The following ASAP2 variants were observed in gnomAD, a reference collection of about 807,000 sequenced individuals.
ASAP2 encodes the protein ArfGAP with SH3 domain, ankyrin repeat and PH domain 2.
In ASAP2, 45 loss-of-function variants were observed where a neutral mutation model predicts 131.4. The ratio of observed to expected loss-of-function variants is 0.34; its 90% CI spans 0.27 to 0.44. The LOEUF (loss-of-function observed/expected upper bound fraction) is 0.44. Ranked by LOEUF, ASAP2 falls within the 20% of genes least tolerant of loss-of-function variation. The probability of loss-of-function intolerance (pLI) is 1.00; values close to 1 mark genes in which losing one functional copy is unlikely to be tolerated. For missense variants in ASAP2, 1,011 were observed against 1,297.0 expected (o/e 0.78, Z 3.39); for synonymous variants, 510 against 503.0 (o/e 1.01, Z -0.19).
At chr2:9,272,363 G>A (rs1429437782) in intron 1 of ASAP2, among the ~76,000 whole-genome samples, 1 of 152,024 alleles carries the variant, frequency 6.6e-6, no homozygotes, top group African/African-American at 2.4e-5. Flanking sequence ...CTTCTTTGGA[G>A]ATATGTCTAT....
chr2:9,334,295 C>T (rs570116885), intron 7 of ASAP2, among the ~76,000 whole-genome samples: 1 of 151,540 alleles, frequency 6.6e-6, no homozygotes, highest in African/African-American at 2.4e-5. Flanking sequence ...GTGATCCTCC[C>T]ACCTTGGCCT....
intron 11 of ASAP2, among the ~76,000 whole-genome samples, chr2:9,346,301 C>G (rs1208307762): frequency 1.3e-5 from 2 of 152,040 alleles, no homozygotes; most frequent in Non-Finnish European, 2.9e-5. Flanking sequence ...GTGGTGCATG[C>G]CTGTATCCCA....
intron 12 of ASAP2, among the ~76,000 whole-genome samples, chr2:9,355,285 G>T (rs1672621861): frequency 6.6e-6 from 1 of 152,084 alleles, no homozygotes; most frequent in African/African-American, 2.4e-5. Context: ...AGTCTGTATC[G>T]GTTCTGTAGT....
chr2:9,279,297 C>G lies in ASAP2; in HGVS notation c.127-20C>G, dbSNP rs551888902. The G allele has an allele frequency of 6.2e-6, 10 of 1,611,496 alleles. No individual in the cohort carries two copies. Among genetic ancestry groups the G allele is most frequent in the Non-Finnish European group, 8.5e-6 (10 of 1,177,738 alleles). The stretch of plus-strand genomic sequence containing the variant: ...TCTCAGCACAGACACGGTTTAATGA[C>G]TGTATTCTCTACATTTTAGGCTTTG... On this transcript the variant is annotated intron_variant, in intron 1 of 27. Coordinates refer to ENST00000281419, the MANE Select transcript of ASAP2 (RefSeq NM_003887.3).
intron 20 of ASAP2, among the ~76,000 whole-genome samples, chr2:9,382,282 C>G (rs1311976040): frequency 6.6e-6 from 1 of 152,200 alleles, no homozygotes; most frequent in African/African-American, 2.4e-5. Flanking sequence ...CCACACCTGA[C>G]CTGTCTCATT....
At chr2:9,365,840 C>T (rs533321362) in intron 15 of ASAP2, among the ~76,000 whole-genome samples, 52 of 152,296 alleles carry the variant, frequency 3.4e-4, no homozygotes, top group Non-Finnish European at 6.6e-4. Flanking sequence ...TCATGCCCAG[C>T]ACAGACGAGG....
Position 9,268,687 on chromosome 2 carries a change from C to T in ASAP2, c.127-10630C>T, listed in dbSNP as rs971723916. ...TCTTGGCAAAGCCACCCTGGGGGCA[C>T]GGACCTGGGTGTGTTTTGTTTTTTG... is the stretch of plus-strand genomic sequence containing the variant. On this transcript the variant is annotated intron_variant, in intron 1 of 27. Coordinates refer to ENST00000281419, the MANE Select transcript of ASAP2 (RefSeq NM_003887.3). This position sits in a 1 kb window ranked among gnomAD's most constrained non-coding sequence, Gnocchi z 4.1. Among the ~76,000 whole-genome samples, 20 of 152,302 alleles carry T rather than the reference C, an allele frequency of 1.3e-4. No homozygotes were observed. Among genetic ancestry groups the T allele is most frequent in the East Asian group, 7.7e-4 (4 of 5,186 alleles).
At chr2:9,365,213 G>A (rs1048660257) in intron 15 of ASAP2, among the ~76,000 whole-genome samples, 3 of 152,154 alleles carry the variant, frequency 2.0e-5, no homozygotes, top group African/African-American at 7.2e-5. Flanking sequence ...TGCTTTGGAG[G>A]CAGCAGTTTG....
At chr2:9,306,008 TAGTG>T (rs1668907439) in intron 3 of ASAP2, among the ~76,000 whole-genome samples, 1 of 141,488 alleles carries the variant, frequency 7.1e-6, no homozygotes, top group Non-Finnish European at 1.5e-5. Context: ...GAGGCTGTAG[TAGTG>T]GGGTGGTAGA....
chr2:9,318,207 C>T (rs191308941), intron 3 of ASAP2, among the ~76,000 whole-genome samples: 151 of 152,228 alleles, frequency 9.9e-4, no homozygotes, highest in African/African-American at 3.2e-3. Flanking sequence ...AGGCTTTCGA[C>T]GTAATTCTGT....
At chr2:9,354,061 T>C (rs2715865) in intron 12 of ASAP2, among the ~76,000 whole-genome samples, 13,649 of 152,252 alleles carry the variant, frequency 0.09, 1,692 homozygotes, top group African/African-American at 0.28. Flanking sequence ...GGAGCTCATC[T>C]AATCCATTGC....
At chr2:9,210,921 C>T (rs914489081) in intron 1 of ASAP2, among the ~76,000 whole-genome samples, 2 of 151,552 alleles carry the variant, frequency 1.3e-5, no homozygotes, top group Non-Finnish European at 2.9e-5. Context: ...TTTGGGAGGC[C>T]AAGGCGGGCA....
intron 9 of ASAP2, among the ~76,000 whole-genome samples, chr2:9,341,387 T>C (rs1671564928): frequency 6.6e-6 from 1 of 152,228 alleles, no homozygotes; most frequent in South Asian, 2.1e-4. Flanking sequence ...ATAGGCCAGC[T>C]TAATTCAGAT....
chr2:9,345,369 C>G (rs1016638363), intron 11 of ASAP2, among the ~76,000 whole-genome samples: 2 of 152,120 alleles, frequency 1.3e-5, no homozygotes, highest in African/African-American at 4.8e-5. Flanking sequence ...CAAGAAAAAA[C>G]GGAGCCCTCT....
At chr2:9,259,434 C>T (rs1240665078) in intron 1 of ASAP2, among the ~76,000 whole-genome samples, 1 of 152,194 alleles carries the variant, frequency 6.6e-6, no homozygotes, top group African/African-American at 2.4e-5. Flanking sequence ...TGCCAGGCTG[C>T]CCAGGCTGGG....
chr2:9,254,236 A>AAAAATATATATATATAT (rs1553297024), intron 1 of ASAP2, among the ~76,000 whole-genome samples: 1 of 47,110 alleles, frequency 2.1e-5, no homozygotes, highest in African/African-American at 1.4e-4. Context: ...AAAAAAAAAA[A>AAAAATATATATATATAT]ATATATATAT....
rs990154182 is a variant in ASAP2 at position 9,268,250 on chromosome 2, G to A, written c.127-11067G>A. 2.0e-5 allele frequency among the ~76,000 whole-genome samples: 3 copies of A among 152,106 alleles called. No homozygotes were observed. Among genetic ancestry groups the A allele is most frequent in the South Asian group, 2.1e-4 (1 of 4,826 alleles). The stretch of plus-strand genomic sequence containing the variant: ...TTATTCATTTTACCATCGACATTTC[G>A]GTTTATCCAGTTGGGGGCTGTTTTG... On this transcript the variant is annotated intron_variant, in intron 1 of 27. Coordinates refer to ENST00000281419, the MANE Select transcript of ASAP2 (RefSeq NM_003887.3). The surrounding 1 kb of genome is among the most constrained non-coding windows in gnomAD (Gnocchi z 4.1).
intron 3 of ASAP2, among the ~76,000 whole-genome samples, chr2:9,316,880 C>T (rs1669707159): frequency 6.6e-6 from 1 of 151,810 alleles, no homozygotes; most frequent in South Asian, 2.1e-4. Context: ...CCTTCCTGTT[C>T]CCTTTTATCT....
intron 1 of ASAP2, among the ~76,000 whole-genome samples, chr2:9,223,046 G>A (rs1225738034): frequency 3.3e-5 from 5 of 152,096 alleles, no homozygotes; most frequent in African/African-American, 1.2e-4. Context: ...CTTTAATTTG[G>A]GATTTTAGGC....
Sources: gnomAD v4.1 joint callset for allele counts (sites outside exome capture counted in the v4.1 genomes callset) on GRCh38, gnomAD v4.1.1 for gene constraint, Gnocchi (gnomAD v3.1) non-coding constraint, MANE v1.5 for transcripts, NCBI Gene and HGNC (gene_info 2026-07-23, HGNC 2026-07-21) for gene names.